The following SLC35F4 variants were observed in gnomAD, a reference collection of about 807,000 sequenced individuals.
The protein encoded by SLC35F4 is solute carrier family 35 member F4, also known as chromosome 14 open reading frame 36.
Under a neutral mutation model 44.2 loss-of-function variants are expected in SLC35F4, and 24 were observed. The observed-to-expected ratio is 0.54, with a 90% confidence interval of 0.39 to 0.76. The LOEUF (loss-of-function observed/expected upper bound fraction) is 0.76, where lower values mean the gene tolerates loss of function less well. SLC35F4 is among the 30% of genes least tolerant of loss of function. The pLI is 0.00. For synonymous variants in SLC35F4, 238 were observed against 223.6 expected, an observed-to-expected ratio of 1.06 and a Z score of -0.57; for missense variants, 562 against 586.1, an observed-to-expected ratio of 0.96 and a Z score of 0.42.
intron 1 of SLC35F4, among the ~76,000 whole-genome samples, chr14:57,818,504 C>T (rs571519603): frequency 1.3e-5 from 2 of 152,236 alleles, no homozygotes; most frequent in East Asian, 1.9e-4. Flanking sequence ...CTGTCAAGAT[C>T]TAGGATTGAT....
chr14:57,901,512 G>A (rs1889000711), intron 1 of SLC35F4, among the ~76,000 whole-genome samples: 1 of 152,064 alleles, frequency 6.6e-6, no homozygotes, highest in Non-Finnish European at 1.5e-5. Context: ...CACACGCTGG[G>A]GCCTGGGTAG....
At chr14:57,667,416 G>A (rs746742845) in intron 1 of SLC35F4, among the ~76,000 whole-genome samples, 14 of 151,504 alleles carry the variant, frequency 9.2e-5, no homozygotes, top group Non-Finnish European at 2.1e-4. Flanking sequence ...CATGTGCCAT[G>A]TTGGTGTGCT....
chr14:57,926,020 G>A (rs1444794513), intron 1 of SLC35F4, among the ~76,000 whole-genome samples: 3 of 152,102 alleles, frequency 2.0e-5, no homozygotes, highest in Non-Finnish European at 4.4e-5. Context: ...TTCTGTAAAT[G>A]TGGGCACATT....
At chr14:57,919,722 G>A (rs572283161) in intron 1 of SLC35F4, among the ~76,000 whole-genome samples, 12 of 152,128 alleles carry the variant, frequency 7.9e-5, no homozygotes, top group Admixed American at 3.3e-4. Context: ...CAGACAGCCG[G>A]GATGTGCAGA....
intron 1 of SLC35F4, among the ~76,000 whole-genome samples, chr14:57,611,312 C>T (rs1315830424): frequency 6.6e-6 from 1 of 152,160 alleles, no homozygotes; most frequent in Non-Finnish European, 1.5e-5. Flanking sequence ...CTAGATAAAT[C>T]TAACAAGGGT....
intron 1 of SLC35F4, among the ~76,000 whole-genome samples, chr14:57,739,833 G>C (rs546106910): frequency 6.6e-6 from 1 of 152,306 alleles, no homozygotes; most frequent in East Asian, 1.9e-4. Flanking sequence ...ACCTAGCGTA[G>C]AGCCAACTCT....
At chr14:57,866,465 C>A (rs966616493), upstream of SLC35F4, among the ~76,000 whole-genome samples, 1 of 152,198 alleles carries the variant, frequency 6.6e-6, no homozygotes, top group African/African-American at 2.4e-5. Context: ...GTCCTTGCAA[C>A]TTGTCTAGAA....
At chr14:57,949,297 A>C (rs1295809777) in intron 1 of SLC35F4, among the ~76,000 whole-genome samples, 1 of 151,840 alleles carries the variant, frequency 6.6e-6, no homozygotes, top group Non-Finnish European at 1.5e-5. Flanking sequence ...CTTTGTCTTT[A>C]TTTACTGTTG....
chr14:57,793,880 C>T (rs2077989017), intron 1 of SLC35F4, among the ~76,000 whole-genome samples: 1 of 151,982 alleles, frequency 6.6e-6, no homozygotes. Context: ...ACCAATAGAA[C>T]AGAATAGATA....
intron 1 of SLC35F4, among the ~76,000 whole-genome samples, chr14:57,695,739 C>G (rs1199732360): frequency 1.3e-5 from 2 of 152,152 alleles, no homozygotes; most frequent in South Asian, 2.1e-4. Flanking sequence ...TATAACAGCA[C>G]TACTCACAAT....
intron 1 of SLC35F4, among the ~76,000 whole-genome samples, chr14:57,634,769 G>A (rs1471915160): frequency 6.6e-6 from 1 of 152,102 alleles, no homozygotes; most frequent in Non-Finnish European, 1.5e-5. Flanking sequence ...GTAACTGTGT[G>A]GAGAACGGAC....
rs184018983 is a variant in SLC35F4, at chr14:57,684,200, C to T, written c.104-90076G>A. On this transcript the variant is annotated intron_variant, in intron 1 of 7. Transcript: ENST00000556826. ...CTGAATGGGGTAGGGGATGATATTG[C>T]CACCTTCTTCCCAACATCCCACGCC... 1.8e-3 allele frequency among the ~76,000 whole-genome samples: 271 copies of T among 152,216 alleles called. 2 individuals carry two copies. The highest frequency in any genetic ancestry group is 6.3e-3 in the African/African-American group (260 of 41,538).
At chr14:57,796,464 T>G (rs1234278387) in intron 1 of SLC35F4, among the ~76,000 whole-genome samples, 1 of 152,190 alleles carries the variant, frequency 6.6e-6, no homozygotes, top group Non-Finnish European at 1.5e-5. Context: ...CTTTTTATAG[T>G]CACAGTCAAA....
At chr14:57,968,629 G>T (rs1821138251) in intron 1 of SLC35F4, among the ~76,000 whole-genome samples, 1 of 152,182 alleles carries the variant, frequency 6.6e-6, no homozygotes, top group African/African-American at 2.4e-5. Flanking sequence ...TAGAAATGCA[G>T]ACTCTCAGAT....
At position 57,865,967 on chromosome 14, in the gene SLC35F4, C is replaced by G; in HGVS notation, c.-142G>C. Reference sequence around the variant, plus strand: ...CCCGGGCTCTGACTCCACCGCCCGGCGCAGCACCGGCTCCGCATCACAGCG... The same window carrying G: ...CCCGGGCTCTGACTCCACCGCCCGGGGCAGCACCGGCTCCGCATCACAGCG... On this transcript the variant is annotated 5_prime_UTR_variant, in exon 1 of 8. Coordinates refer to ENST00000556826, the MANE Select transcript of SLC35F4 (RefSeq NM_001306087.2). 1 of 459,818 alleles carries G rather than the reference C, an allele frequency of 2.2e-6. No homozygotes were observed. Among genetic ancestry groups the G allele is most frequent in the Non-Finnish European group, 3.6e-6 (1 of 275,282 alleles). The allele number at this position is 459,818 out of a possible 1,614,324, so 28.5% of individuals were successfully genotyped here. A position where few individuals can be genotyped will look rare whatever the true frequency, so the allele number is the denominator to read the frequency against.
At chr14:57,640,740 T>A (rs1175258338) in intron 1 of SLC35F4, among the ~76,000 whole-genome samples, 3 of 151,986 alleles carry the variant, frequency 2.0e-5, no homozygotes, top group African/African-American at 7.2e-5. Context: ...TAAGTTTGGT[T>A]TATATAGATT....
intron 1 of SLC35F4, among the ~76,000 whole-genome samples, chr14:57,600,151 A>C (rs1315954084): frequency 1.3e-5 from 2 of 152,226 alleles, no homozygotes; most frequent in East Asian, 3.8e-4. Flanking sequence ...TACTAGCTTT[A>C]TGATTGATTG....
intron 1 of SLC35F4, among the ~76,000 whole-genome samples, chr14:57,829,682 C>T (rs754035484): frequency 6.6e-5 from 10 of 152,176 alleles, no homozygotes; most frequent in Non-Finnish European, 1.2e-4. Flanking sequence ...CAAGCTGTGG[C>T]TCCTTTCCTG....
intron 1 of SLC35F4, among the ~76,000 whole-genome samples, chr14:57,669,866 T>C (rs1210042226): frequency 4.6e-5 from 7 of 152,066 alleles, no homozygotes; most frequent in South Asian, 2.1e-4. Context: ...GGGAGGATTC[T>C]CTCTTTTTCT....
Sources: allele counts gnomAD v4.1 joint callset (sites outside exome capture counted in the v4.1 genomes callset), GRCh38; gene constraint gnomAD v4.1.1; transcripts MANE v1.5; gene names NCBI Gene and HGNC (gene_info 2026-07-23, HGNC 2026-07-21).